MAP3K7CL: variants seen among roughly 807,000 people sequenced by gnomAD.
The protein encoded by MAP3K7CL is MAP3K7 C-terminal-like protein.
MAP3K7CL carries 16 observed loss-of-function variants against 18.6 expected under a neutral mutation model. The ratio of observed to expected loss-of-function variants is 0.86; its 90% CI spans 0.58 to 1.31. The LOEUF (loss-of-function observed/expected upper bound fraction) is 1.31, where lower values mean the gene tolerates loss of function less well. Among genes scored for constraint, MAP3K7CL ranks in the 50% most tolerant of loss-of-function variants. The probability of loss-of-function intolerance (pLI) is 0.00; values close to 1 mark genes in which losing one functional copy is unlikely to be tolerated. For synonymous variants in MAP3K7CL, 65 were observed against 66.8 expected (o/e 0.97, Z 0.13); for missense variants, 163 against 174.4 (o/e 0.93, Z 0.37).
chr21:29,172,348 T>C (rs73193820), intron 4 of MAP3K7CL, among the ~76,000 whole-genome samples: 35,206 of 151,698 alleles, frequency 0.23, 5,199 homozygotes, highest in African/African-American at 0.42. Flanking sequence ...TGATTTGGTC[T>C]GTATGATTAG....
intron 2 of MAP3K7CL, among the ~76,000 whole-genome samples, chr21:29,147,577 C>T (rs1275282607): frequency 6.6e-6 from 1 of 150,972 alleles, no homozygotes; most frequent in Non-Finnish European, 1.5e-5. Context: ...TGTATGTGTA[C>T]TGTGTATGTA....
chr21:29,139,559 A>G (rs1295998915), intron 2 of MAP3K7CL, among the ~76,000 whole-genome samples: 1 of 152,060 alleles, frequency 6.6e-6, no homozygotes, highest in Non-Finnish European at 1.5e-5. Flanking sequence ...TAAGCTATAA[A>G]TGAATATTGA....
chr21:29,095,621 G>A (rs746297012), intron 4 of MAP3K7CL, among the ~76,000 whole-genome samples: 6 of 152,212 alleles, frequency 3.9e-5, no homozygotes, highest in Non-Finnish European at 8.8e-5. Context: ...CAACTTATGT[G>A]CTGTGAATAC....
upstream of MAP3K7CL, chr21:29,085,234 C>T (rs1191043108): frequency 6.6e-6 from 1 of 152,196 alleles, no homozygotes. Flanking sequence ...CCAGTAGTAG[C>T]AAAAGTGACA....
chr21:29,096,824 A>T (rs1470893397), intron 4 of MAP3K7CL, among the ~76,000 whole-genome samples: 1 of 152,094 alleles, frequency 6.6e-6, no homozygotes, highest in Non-Finnish European at 1.5e-5. Context: ...CCTCTCTTCT[A>T]CTTCCCTCCA....
intron 3 of MAP3K7CL, among the ~76,000 whole-genome samples, chr21:29,155,078 A>G (rs773902149): frequency 5.3e-5 from 8 of 152,252 alleles, no homozygotes. Context: ...ACTGTAATGT[A>G]GATACTATAT....
intron 4 of MAP3K7CL, among the ~76,000 whole-genome samples, chr21:29,162,774 A>G (rs1263346174): frequency 6.6e-6 from 1 of 152,084 alleles, no homozygotes; most frequent in Non-Finnish European, 1.5e-5. Flanking sequence ...TTACATTGAA[A>G]GCAATGATAA....
intron 4 of MAP3K7CL, among the ~76,000 whole-genome samples, chr21:29,100,137 C>G (rs1256061688): frequency 1.3e-5 from 2 of 151,182 alleles, no homozygotes; most frequent in Non-Finnish European, 2.9e-5. Flanking sequence ...CCTTTGTCCT[C>G]TGAGCGGCAG....
chr21:29,141,757 A>G (rs1266672256), intron 2 of MAP3K7CL, among the ~76,000 whole-genome samples: 1 of 152,058 alleles, frequency 6.6e-6, no homozygotes, highest in African/African-American at 2.4e-5. Flanking sequence ...TTGTAATCTT[A>G]TGGGCCCTGA....
chr21:29,166,829 C>T (rs1476273106), intron 4 of MAP3K7CL, among the ~76,000 whole-genome samples: 2 of 152,072 alleles, frequency 1.3e-5, no homozygotes, highest in African/African-American at 2.4e-5. Flanking sequence ...CGGTTGTTTG[C>T]ACTTCTTGGC....
chr21:29,126,446 T>G (rs192157693), upstream of MAP3K7CL, among the ~76,000 whole-genome samples: 104 of 152,192 alleles, frequency 6.8e-4, no homozygotes, highest in African/African-American at 2.4e-3. Flanking sequence ...TTTCTTTCTT[T>G]CTGTTTTTTT....
At chr21:29,133,548 A>T (rs750627192) in intron 2 of MAP3K7CL, 134 bp downstream of exon 2, 1 of 556,294 alleles carries the variant, frequency 1.8e-6, no homozygotes, top group Non-Finnish European at 2.9e-6. Flanking sequence ...GTGATATTTC[A>T]TCATGCATTG....
chr21:29,109,457 C>G lies in MAP3K7CL; in HGVS notation c.370+16876C>G. 2.5e-6 allele frequency: 3 copies of G among 1,185,392 alleles called. No individual in the cohort carries two copies. The South Asian group carries it at 9.4e-5, about 37-fold the overall frequency. 73.4% of individuals were successfully genotyped at this position (1,185,392 alleles called of 1,614,324 possible). On this transcript the variant is annotated intron_variant, in intron 4 of 6. Coordinates refer to the MAP3K7CL transcript ENST00000286791. ...TAAGTGTGAGACTTCTGGCAAAACC[C>G]CCATCTCAGCATTCGGTTGTTCTCT...
intron 4 of MAP3K7CL, among the ~76,000 whole-genome samples, chr21:29,171,315 C>T (rs1003543115): frequency 2.6e-5 from 4 of 152,270 alleles, no homozygotes; most frequent in Middle Eastern, 3.4e-3. Context: ...TGTTTATATG[C>T]GTATCAGTGA....
chr21:29,089,788 A>C (rs1320682987), intron 1 of MAP3K7CL, among the ~76,000 whole-genome samples: 1 of 151,806 alleles, frequency 6.6e-6, no homozygotes, highest in Non-Finnish European at 1.5e-5. Context: ...TGAAAGCAAG[A>C]AAAAAGAGGA....
upstream of MAP3K7CL, among the ~76,000 whole-genome samples, chr21:29,083,054 C>G (rs1190977332): frequency 2.6e-5 from 4 of 151,962 alleles, no homozygotes; most frequent in Admixed American, 6.6e-5. Context: ...TCTTACTTTC[C>G]CATTTAATTA....
chr21:29,083,771 A>G (rs1361235556), upstream of MAP3K7CL, among the ~76,000 whole-genome samples: 2 of 151,912 alleles, frequency 1.3e-5, no homozygotes. Flanking sequence ...ACTTAAAAAA[A>G]TCCTTAGTGA....
At chr21:29,163,165 G>A (rs1406276935) in intron 4 of MAP3K7CL, among the ~76,000 whole-genome samples, 2 of 152,088 alleles carry the variant, frequency 1.3e-5, no homozygotes, top group African/African-American at 4.8e-5. Context: ...AAGTAACATG[G>A]CTAGCAGGCT....
intron 2 of MAP3K7CL, among the ~76,000 whole-genome samples, chr21:29,146,791 G>C (rs1481793387): frequency 6.6e-6 from 1 of 152,184 alleles, no homozygotes; most frequent in Non-Finnish European, 1.5e-5. Flanking sequence ...TACTACTCTT[G>C]ACTAAAATAT....
Sources: gnomAD v4.1 joint callset for allele counts (sites outside exome capture counted in the v4.1 genomes callset) on GRCh38, gnomAD v4.1.1 for gene constraint, MANE v1.5 for transcripts, NCBI Gene and HGNC (gene_info 2026-07-23, HGNC 2026-07-21) for gene names.